The following PER3 variants were observed in gnomAD, a reference collection of about 807,000 sequenced individuals.
PER3 encodes period circadian protein homolog 3.
PER3 carries 107 observed loss-of-function variants against 127.2 expected under a neutral mutation model. The ratio of observed to expected loss-of-function variants is 0.84; its 90% CI spans 0.72 to 0.99. PER3 has a LOEUF of 0.99. Among genes scored for constraint, PER3 ranks in the 50% least tolerant of loss-of-function variants. The pLI is 0.00. For synonymous variants in PER3, 618 were observed against 585.8 expected (o/e 1.05, Z -0.79); for missense variants, 1,560 against 1,525.8 (o/e 1.02, Z -0.37).
intron 18 of PER3, among the ~76,000 whole-genome samples, chr1:7,828,706 T>C (rs2097314446): frequency 1.3e-5 from 2 of 152,236 alleles, no homozygotes; most frequent in Admixed American, 1.3e-4. Context: ...TTAGGAAGAT[T>C]CACTTAGACA....
chr1:7,842,415 G>A (rs1019124319), intron 21 of PER3, among the ~76,000 whole-genome samples: 1 of 151,832 alleles, frequency 6.6e-6, no homozygotes, highest in African/African-American at 2.4e-5. Flanking sequence ...CAAGAGAATC[G>A]CTTGAACCTG....
chr1:7,786,593 C>A (rs1317659188), intron 3 of PER3, 128 bp from the exon 4 acceptor site: 1 of 559,702 alleles, frequency 1.8e-6, no homozygotes, highest in Non-Finnish European at 3.3e-6. Context: ...AGAAAATGAT[C>A]TGTTTTTGAG....
intron 10 of PER3, among the ~76,000 whole-genome samples, chr1:7,806,809 AAAAATAT>A (rs1446034453): frequency 7.3e-5 from 6 of 82,020 alleles, no homozygotes; most frequent in Non-Finnish European, 9.4e-5. Context: ...AAAAAAAAAA[AAAAATAT>A]ATATATATAT....
chr1:7,827,415 C>T lies in PER3; in HGVS notation c.2486C>T (p.Pro829Leu), dbSNP rs1394540760. 4 of 1,614,058 alleles carry T rather than the reference C, an allele frequency of 2.5e-6. No individual in the cohort carries two copies. Among genetic ancestry groups the T allele is most frequent in the Admixed American group, 1.7e-5 (1 of 60,008 alleles). ...GAATACGCAGCCCCCGGAACTGCACCGGAAGGCCTGCATGGGCTGCCCTTG... is the reference window on the plus strand; with the variant it reads ...GAATACGCAGCCCCCGGAACTGCACTGGAAGGCCTGCATGGGCTGCCCTTG... ...GREYAAPGTAPEGLHGLPLSE... is the reference protein window; with the variant it reads ...GREYAAPGTALEGLHGLPLSE... The change falls in exon 18 of 22, where the codon CCG becomes CTG. Residue 829 changes from proline to leucine, a missense_variant. This residue lies in a region of PER3 where 1,332 missense variants were observed against 1,223.6 expected (regional missense o/e 1.09). Transcript: ENST00000377532.
At chr1:7,810,070 C>A in intron 12 of PER3, 49 bp downstream of exon 12, 2 of 1,566,280 alleles carry the variant, frequency 1.3e-6, no homozygotes, top group Non-Finnish European at 1.7e-6. Context: ...GTTTTCTGTA[C>A]TACCTCGGTT....
chr1:7,833,469 A>C (rs1180536256), intron 19 of PER3, among the ~76,000 whole-genome samples: 2 of 152,224 alleles, frequency 1.3e-5, no homozygotes, highest in Non-Finnish European at 2.9e-5. Context: ...ACTTGAGATT[A>C]TTATATCCTC....
rs2097300584 is a variant in PER3 at position 7,826,156 on chromosome 1, A to C, written c.1958-324A>C. Among the ~76,000 whole-genome samples, 3 of 152,228 alleles carry C rather than the reference A, an allele frequency of 2.0e-5. No individual in the cohort carries two copies. Among genetic ancestry groups the C allele is most frequent in the Non-Finnish European group, 4.4e-5 (3 of 68,046 alleles). Reference sequence around the variant, plus strand: ...TTCCTGATTTTTGAACCACATGAATATATTACCTATTTAAAAGGTAAGTTC... The same window carrying C: ...TTCCTGATTTTTGAACCACATGAATCTATTACCTATTTAAAAGGTAAGTTC... On this transcript the variant is annotated intron_variant, in intron 16 of 21. Coordinates refer to ENST00000377532, the MANE Select transcript of PER3 (RefSeq NM_001377275.1). This position sits in a 1 kb window ranked among gnomAD's most constrained non-coding sequence, Gnocchi z 4.2.
At chr1:7,786,888 C>T (rs943068142) in intron 4 of PER3, 52 bp downstream of exon 4, 15 of 999,456 alleles carry the variant, frequency 1.5e-5, no homozygotes, top group Admixed American at 3.4e-5. Flanking sequence ...TTCCTAAGGG[C>T]CTGCTCTAGA....
Position 7,844,987 on chromosome 1 carries a change from A to T in PER3, c.*2232A>T, listed in dbSNP as rs2097404373. The stretch of plus-strand genomic sequence containing the variant: ...AAATTTATGAAAAACAAAATGCTGT[A>T]TGAATGGAAATCATTTTGCAATTGA... On this transcript the variant is annotated 3_prime_UTR_variant, in exon 22 of 22. Coordinates refer to ENST00000377532, the MANE Select transcript of PER3 (RefSeq NM_001377275.1). 1 of 152,408 alleles carries T rather than the reference A, an allele frequency of 6.6e-6. No homozygotes were observed. The highest frequency in any genetic ancestry group is 2.4e-5 in the African/African-American group (1 of 41,478). 9.4% of individuals were successfully genotyped at this position (152,408 alleles called of 1,614,324 possible). A position where few individuals can be genotyped will look rare whatever the true frequency, so the allele number is the denominator to read the frequency against.
chr1:7,815,827 TACAA>T (rs2097246582), intron 13 of PER3, among the ~76,000 whole-genome samples: 1 of 129,804 alleles, frequency 7.7e-6, no homozygotes, highest in African/African-American at 2.9e-5. Flanking sequence ...CGACTAAAAA[TACAA>T]AAAAAAAAAA....
intron 7 of PER3, 93 bp from the exon 8 acceptor site, chr1:7,801,020 T>C: frequency 1.3e-6 from 1 of 776,270 alleles, no homozygotes; most frequent in Non-Finnish European, 2.2e-6. Context: ...TTCATATAGA[T>C]TTTGTTCTCT....
chr1:7,817,097 G>A (rs895787152), intron 13 of PER3, among the ~76,000 whole-genome samples: 13 of 152,300 alleles, frequency 8.5e-5, no homozygotes, highest in South Asian at 6.2e-4. Context: ...CTGGAAAAGC[G>A]TTCTTTCTGG....
intron 13 of PER3, among the ~76,000 whole-genome samples, chr1:7,811,935 C>T (rs1162731677): frequency 6.6e-6 from 1 of 152,164 alleles, no homozygotes; most frequent in Non-Finnish European, 1.5e-5. Context: ...ATAGGAATCA[C>T]AGCTGCTTTT....
intron 10 of PER3, among the ~76,000 whole-genome samples, chr1:7,804,937 C>T (rs534151505): frequency 6.6e-6 from 1 of 151,418 alleles, no homozygotes; most frequent in Non-Finnish European, 1.5e-5. Flanking sequence ...GGCCTGATCG[C>T]GGCTCACTGC....
In PER3 at chr1:7,785,580, G is replaced by A. The variant is rs1463768030; in HGVS notation, c.268G>A (p.Val90Ile). 11 of 1,609,772 alleles carry A rather than the reference G, an allele frequency of 6.8e-6. No individual in the cohort carries two copies. Among genetic ancestry groups the A allele is most frequent in the Non-Finnish European group, 8.5e-6 (10 of 1,178,088 alleles). ...LNYALRCVHS[V>I]QANSEFFQIL... ...CTATGCTCTCCGCTGTGTCCACAGCGTTCAAGGTAAACAAGCCGGAGAGAA... is the reference window on the plus strand; with the variant it reads ...CTATGCTCTCCGCTGTGTCCACAGCATTCAAGGTAAACAAGCCGGAGAGAA... Residue 90 changes from valine (V) to isoleucine (I), a missense_variant, in exon 3 of 22, where the codon GTT (valine) becomes ATT (isoleucine). Around this residue, in one of 3 missense-constraint regions of PER3, gnomAD observed 1,332 missense variants for 1,223.6 expected, o/e 1.09. Coordinates refer to ENST00000377532, the MANE Select transcript of PER3 (RefSeq NM_001377275.1).
chr1:7,839,166 C>G (rs188612565), intron 21 of PER3, among the ~76,000 whole-genome samples: 120 of 152,302 alleles, frequency 7.9e-4, no homozygotes, highest in African/African-American at 2.6e-3. Context: ...TAACATATCA[C>G]TCCAGTGTGT....
intron 13 of PER3, among the ~76,000 whole-genome samples, chr1:7,816,314 G>A (rs2097251206): frequency 6.6e-6 from 1 of 152,096 alleles, no homozygotes; most frequent in East Asian, 1.9e-4. Flanking sequence ...GAAAAGAAAG[G>A]AAGGACAGGT....
At chr1:7,831,563 C>G (rs115048829) in intron 19 of PER3, among the ~76,000 whole-genome samples, 2 of 152,196 alleles carry the variant, frequency 1.3e-5, no homozygotes, top group South Asian at 4.1e-4. Context: ...CCATTAAGTA[C>G]GATGTTAAGT....
chr1:7,801,319 T>A lies in PER3; in HGVS notation c.872+128T>A, dbSNP rs138688184. 11 of 587,882 alleles carry A rather than the reference T, an allele frequency of 1.9e-5. No individual in the cohort carries two copies. The East Asian group carries it at 3.0e-4, about 16-fold the overall frequency. 36.4% of individuals were successfully genotyped at this position (587,882 alleles called of 1,614,324 possible). A position where few individuals can be genotyped will look rare whatever the true frequency, so the allele number is the denominator to read the frequency against. On this transcript the variant is annotated intron_variant, in intron 8 of 21. Transcript: ENST00000377532. ...ATCTGTCCATTTGCCTATTTGATTT[T>A]TGTTACATGGAAATGTATGTTGTCT...
Sources: gnomAD v4.1 joint callset for allele counts (sites outside exome capture counted in the v4.1 genomes callset) on GRCh38, gnomAD v4.1.1 for gene constraint, gnomAD v4.1.1 regional missense constraint, Gnocchi (gnomAD v3.1) non-coding constraint, MANE v1.5 for transcripts, NCBI Gene and HGNC (gene_info 2026-07-23, HGNC 2026-07-21) for gene names.